The following KIAA0319 variants were observed in gnomAD, a reference collection of about 807,000 sequenced individuals.
KIAA0319 encodes KIAA0319.
Under a neutral mutation model 108.4 loss-of-function variants are expected in KIAA0319, and 83 were observed. The ratio of observed to expected loss-of-function variants is 0.77; its 90% CI spans 0.64 to 0.92. The LOEUF (loss-of-function observed/expected upper bound fraction) is 0.92, where lower values mean the gene tolerates loss of function less well. KIAA0319 is among the 40% of genes least tolerant of loss of function. The pLI is 0.00. For missense variants in KIAA0319, 1,195 were observed against 1,322.4 expected (o/e 0.90, Z 1.49); for synonymous variants, 484 against 510.4 (o/e 0.95, Z 0.70).
At chr6:24,619,702 C>T (rs765553456) in intron 1 of KIAA0319, among the ~76,000 whole-genome samples, 16 of 151,868 alleles carry the variant, frequency 1.1e-4, no homozygotes, top group Non-Finnish European at 1.6e-4. Flanking sequence ...TGAAAATGCA[C>T]GAGGGGGGAA....
rs1562090905 is a variant in KIAA0319, at chr6:24,624,023, T to TTC, written c.-106+21712_-106+21713insGA. ...TTTTGAATTTCTTTGTTTTCTTTTT[T>TTC]TTTTTTTTTTTTTTTTTTTTAGACA... is the stretch of plus-strand genomic sequence containing the variant. On this transcript the variant is annotated intron_variant, in intron 1 of 20. Transcript: ENST00000378214. 5.2e-4 allele frequency among the ~76,000 whole-genome samples: 72 copies of TTC among 138,744 alleles called. 2 individuals carry two copies. In the East Asian group the frequency reaches 0.014, roughly 27 times the overall value. The allele number at this position is 138,744 out of a possible 152,430, so 91.0% of individuals were successfully genotyped here.
Position 24,596,165 on chromosome 6 carries a change from G to T in KIAA0319, c.509C>A (p.Pro170His). The T allele has an allele frequency of 6.2e-7, 1 of 1,614,094 alleles. No individual in the cohort carries two copies. Among genetic ancestry groups the T allele is most frequent in the Non-Finnish European group, 8.5e-7 (1 of 1,180,012 alleles). The change falls in exon 3 of 21, where the codon CCC becomes CAC. Residue 170 changes from proline to histidine, a missense_variant. By Grantham distance (77) the Pro-to-His change is moderately conservative. Transcript: ENST00000378214. ...CCCTCTGGGCTCCTGCTTGCCACTG[G>T]GTTGCAAGAGGTCCTTCTCCAGCTC... ...YRELEKDLLQ[P>H]SGKQEPRGSA... is the part of the protein sequence containing the mutation.
Position 24,568,915 on chromosome 6 carries a change from A to T in KIAA0319, c.2006T>A (p.Val669Glu). Residue 669 changes from valine (V) to glutamate (E), a missense_variant, in exon 13 of 21, where the codon GTG (valine) becomes GAG (glutamate). Coordinates refer to ENST00000378214, the MANE Select transcript of KIAA0319 (RefSeq NM_014809.4). ...TGCTTTGTCAATATTTTCCATCTCC[A>T]CTGCACTGGGGCCTCTATAAAACAT... ...HWEHVRGPSA[V>E]EMENIDKAIA... 1 of 1,614,000 alleles carries T rather than the reference A, an allele frequency of 6.2e-7. No individual in the cohort carries two copies. The highest frequency in any genetic ancestry group is 8.5e-7 in the Non-Finnish European group (1 of 1,179,896).
At chr6:24,576,078 C>T (rs576545785) in intron 10 of KIAA0319, among the ~76,000 whole-genome samples, 6 of 152,104 alleles carry the variant, frequency 3.9e-5, no homozygotes, top group African/African-American at 1.2e-4. Flanking sequence ...TCTCCCAATA[C>T]GAAAATACTT....
intron 15 of KIAA0319, 137 bp downstream of exon 15, chr6:24,564,065 A>C: frequency 1.1e-6 from 1 of 924,560 alleles, no homozygotes; most frequent in Non-Finnish European, 1.6e-6. Context: ...TGTAAGAGAC[A>C]TCCTCAAAGT....
At position 24,563,473 on chromosome 6, in the gene KIAA0319, A is replaced by G. The variant is rs1181949451; in HGVS notation, c.2477T>C (p.Val826Ala). Residue 826 changes from valine to alanine, a missense_variant, in exon 16 of 21, where the codon GTT (valine) becomes GCT (alanine). Coordinates refer to ENST00000378214, the MANE Select transcript of KIAA0319 (RefSeq NM_014809.4). ...GLVELTLQVG[V>A]GQLTEQRKDT... ...CTTCCGCTGCTCTGTCAGCTGCCCA[A>G]CACCAACCTGCAGGGTCAGCTCCAC... 5 of 1,613,164 alleles carry G rather than the reference A, an allele frequency of 3.1e-6. No homozygotes were observed. In the Admixed American group the frequency reaches 5.0e-5, roughly 16 times the overall value.
chr6:24,608,775 A>C (rs1246209394), intron 1 of KIAA0319, among the ~76,000 whole-genome samples: 1 of 151,586 alleles, frequency 6.6e-6, no homozygotes, highest in East Asian at 1.9e-4. Context: ...CTAAAAATAC[A>C]AAAAAATTAG....
At chr6:24,643,076 T>C (rs1301044022) in intron 1 of KIAA0319, among the ~76,000 whole-genome samples, 1 of 152,324 alleles carries the variant, frequency 6.6e-6, no homozygotes, top group East Asian at 1.9e-4. Flanking sequence ...AATTCTACAA[T>C]ATTATTTAGA....
chr6:24,616,338 T>C (rs1773136746), intron 1 of KIAA0319, among the ~76,000 whole-genome samples: 1 of 152,218 alleles, frequency 6.6e-6, no homozygotes, highest in African/African-American at 2.4e-5. Context: ...AGTTTCTTAC[T>C]GGAGTATGAT....
Position 24,601,187 on chromosome 6 carries a change from G to T in KIAA0319, c.-84C>A. 1.3e-6 allele frequency: 2 copies of T among 1,568,848 alleles called. No homozygotes were observed. Among genetic ancestry groups the T allele is most frequent in the Non-Finnish European group, 1.7e-6 (2 of 1,156,494 alleles). On this transcript the variant is annotated 5_prime_UTR_variant, in exon 2 of 21. Transcript: ENST00000378214. The stretch of plus-strand genomic sequence containing the variant: ...GCAAGCTTCCTTTGATGTTTTTTAG[G>T]AGCCAGATTTGGCCTCAAGAACTTC...
At chr6:24,587,002 C>A (rs115313979) in intron 4 of KIAA0319, among the ~76,000 whole-genome samples, 1,758 of 152,200 alleles carry the variant, frequency 0.012, 36 homozygotes, top group African/African-American at 0.04. Context: ...TCTCCTATGT[C>A]CCCCGTGTCT....
intron 7 of KIAA0319, 108 bp downstream of exon 7, chr6:24,580,818 T>C (rs1766396596): frequency 1.4e-6 from 1 of 715,026 alleles, no homozygotes; most frequent in Non-Finnish European, 2.4e-6. Context: ...TAATACAAAA[T>C]AGGTTTTGTC....
chr6:24,553,624 A>C (rs915409422), intron 19 of KIAA0319, among the ~76,000 whole-genome samples: 2 of 152,114 alleles, frequency 1.3e-5, no homozygotes, highest in Non-Finnish European at 2.9e-5. Flanking sequence ...TCTGCCTCCT[A>C]CGAGGAGAAT....
chr6:24,625,121 G>C (rs919540252), intron 1 of KIAA0319, among the ~76,000 whole-genome samples: 3 of 151,954 alleles, frequency 2.0e-5, no homozygotes, highest in Non-Finnish European at 2.9e-5. Flanking sequence ...CATAACTTCT[G>C]TTTTTTTTAT....
intron 10 of KIAA0319, among the ~76,000 whole-genome samples, chr6:24,575,385 C>T (rs1765325151): frequency 6.6e-6 from 1 of 151,728 alleles, no homozygotes; most frequent in Admixed American, 6.6e-5. Flanking sequence ...TTTTTTTAAC[C>T]GTGAAAATAA....
In KIAA0319 at chr6:24,629,514, CAAA is replaced by C. The variant is rs397974257; in HGVS notation, c.-106+16219_-106+16221del. 1.7e-4 allele frequency among the ~76,000 whole-genome samples: 7 copies of C among 42,402 alleles called. 1 individual carries two copies. The highest frequency in any genetic ancestry group is 5.5e-4 in the African/African-American group (5 of 9,022). The allele number at this position is 42,402 out of a possible 152,430, so 27.8% of individuals were successfully genotyped here. A position where few individuals can be genotyped will look rare whatever the true frequency, so the allele number is the denominator to read the frequency against. On this transcript the variant is annotated intron_variant, in intron 1 of 20. Transcript: ENST00000378214. ...TGGGCAACAGAGTGAGACTCTGTCTCAAAAAAAAAAAAAAAAAGAAAGAAAACT... is the reference window on the plus strand; with the variant it reads ...TGGGCAACAGAGTGAGACTCTGTCTCAAAAAAAAAAAAAAGAAAGAAAACT...
At chr6:24,638,574 C>T (rs1218452892) in intron 1 of KIAA0319, among the ~76,000 whole-genome samples, 1 of 152,076 alleles carries the variant, frequency 6.6e-6, no homozygotes, top group East Asian at 1.9e-4. Flanking sequence ...TCCTGGCTAA[C>T]ATGGTGAAAA....
intron 1 of KIAA0319, among the ~76,000 whole-genome samples, chr6:24,611,190 G>A (rs78068330): frequency 7.6e-6 from 1 of 132,212 alleles, no homozygotes; most frequent in African/African-American, 2.8e-5. Flanking sequence ...TTTTTTTTTT[G>A]AAGTAATGAA....
At chr6:24,561,277 C>A (rs1327435572) in intron 16 of KIAA0319, among the ~76,000 whole-genome samples, 1 of 152,132 alleles carries the variant, frequency 6.6e-6, no homozygotes, top group East Asian at 1.9e-4. Context: ...GGGAAATGTT[C>A]CCTCCTCTTC....
Sources: gnomAD v4.1 joint callset for allele counts (sites outside exome capture counted in the v4.1 genomes callset) on GRCh38, gnomAD v4.1.1 for gene constraint, MANE v1.5 for transcripts, NCBI Gene and HGNC (gene_info 2026-07-23, HGNC 2026-07-21) for gene names.